CASS4: variants seen among roughly 807,000 people sequenced by gnomAD.
The protein encoded by CASS4 is Cas scaffold protein family member 4, also known as cas scaffolding protein family member 4.
A neutral mutation model predicts 54.2 loss-of-function variants in CASS4; 22 were observed. That is an observed-to-expected ratio of 0.41 (90% CI 0.29 to 0.58). The LOEUF (loss-of-function observed/expected upper bound fraction) is 0.58, where lower values mean the gene tolerates loss of function less well. Among genes scored for constraint, CASS4 ranks in the 20% least tolerant of loss-of-function variants. The pLI, the probability that CASS4 is intolerant of heterozygous loss-of-function variation, is 0.36. For synonymous variants in CASS4, 409 were observed against 391.5 expected (o/e 1.04, Z -0.53); for missense variants, 854 against 986.7 (o/e 0.87, Z 1.80).
In CASS4 at chr20:56,437,982, C is replaced by A. The variant is rs983204977; in HGVS notation, c.459+396C>A. On this transcript the variant is annotated intron_variant, in intron 2 of 5. Transcript: ENST00000679887. The surrounding 1 kb of genome is among the most constrained non-coding windows in gnomAD (Gnocchi z 4.7). ...GGTTCAGAGGCAAGAAGTTACACAT[C>A]GCATTTAAAATGTATATTCCAGGCT... Among the ~76,000 whole-genome samples, 1 of 152,110 alleles carries A rather than the reference C, an allele frequency of 6.6e-6. No individual in the cohort carries two copies. The highest frequency in any genetic ancestry group is 2.4e-5 in the African/African-American group (1 of 41,402).
chr20:56,432,922 T>A (rs962521591), intron 1 of CASS4, among the ~76,000 whole-genome samples: 3 of 152,174 alleles, frequency 2.0e-5, no homozygotes, highest in Non-Finnish European at 4.4e-5. Context: ...TCTTCCCTCT[T>A]ACCCTACTCC....
At chr20:56,456,108 A>G (rs1006042084) in intron 5 of CASS4, among the ~76,000 whole-genome samples, 2 of 151,766 alleles carry the variant, frequency 1.3e-5, no homozygotes, top group Non-Finnish European at 2.9e-5. Flanking sequence ...TTAGACTGAC[A>G]GCACTTCTCA....
In CASS4 at chr20:56,437,382, A is replaced by G. The variant is rs1980236936; in HGVS notation, c.255A>G (p.Arg85=). 6 of 1,613,962 alleles carry G rather than the reference A, an allele frequency of 3.7e-6. No homozygotes were observed. The Admixed American group carries it at 6.7e-5, about 18-fold the overall frequency. The change falls in exon 2 of 6, where the codon AGA becomes AGG. Residue 85 remains arginine, a synonymous_variant. Coordinates refer to ENST00000679887, the MANE Select transcript of CASS4 (RefSeq NM_020356.4). This position sits in a 1 kb window ranked among gnomAD's most constrained non-coding sequence, Gnocchi z 4.7. ...AADRPCPPFL[R]GLEEAPASSE... Reference sequence around the variant, plus strand: ...ACAGGCCGTGCCCCCCATTCCTGAGAGGCCTGGAAGAAGCTCCTGCCAGCT... The same window carrying G: ...ACAGGCCGTGCCCCCCATTCCTGAGGGGCCTGGAAGAAGCTCCTGCCAGCT...
chr20:56,451,573 C>G (rs1327992372), intron 4 of CASS4, among the ~76,000 whole-genome samples: 1 of 152,130 alleles, frequency 6.6e-6, no homozygotes, highest in African/African-American at 2.4e-5. Context: ...AGTCAGTGTT[C>G]TGAGTTCAGG....
At chr20:56,412,051 C>G (rs1024765485), upstream of CASS4, 6 of 246,952 alleles carry the variant, frequency 2.4e-5, 1 homozygote, top group Non-Finnish European at 4.0e-5. The surrounding 1 kb of genome is among the most constrained non-coding windows in gnomAD (Gnocchi z 4.2). Flanking sequence ...GTTCAAAGGA[C>G]AAGAATGCTG....
rs1979766275 is a variant in CASS4 at position 56,428,862 on chromosome 20, TA to T, written c.37-8301del. ...CCAGAGGCAGGTCATTAATCTCTCCTAGTCTTAGGTGCCACAAAGCACTAAA... is the reference window on the plus strand; with the variant it reads ...CCAGAGGCAGGTCATTAATCTCTCCTGTCTTAGGTGCCACAAAGCACTAAA... On this transcript the variant is annotated intron_variant, in intron 1 of 5. Coordinates refer to ENST00000679887, the MANE Select transcript of CASS4 (RefSeq NM_020356.4). Among the ~76,000 whole-genome samples, 3 of 152,166 alleles carry T rather than the reference TA, an allele frequency of 2.0e-5. No individual in the cohort carries two copies. In the South Asian group the frequency reaches 6.2e-4, roughly 32 times the overall value.
intron 1 of CASS4, among the ~76,000 whole-genome samples, chr20:56,417,772 A>G (rs939562666): frequency 2.6e-5 from 4 of 152,216 alleles, no homozygotes; most frequent in African/African-American, 9.6e-5. Flanking sequence ...AACGGAGGTC[A>G]TTCCTGACTC....
chr20:56,439,498 T>G (rs1980356534), intron 2 of CASS4, among the ~76,000 whole-genome samples: 1 of 151,522 alleles, frequency 6.6e-6, no homozygotes, highest in Non-Finnish European at 1.5e-5. Flanking sequence ...TAGTGAGACC[T>G]CATCTTTACT....
At chr20:56,429,744 C>T (rs1268634483) in intron 1 of CASS4, among the ~76,000 whole-genome samples, 1 of 152,148 alleles carries the variant, frequency 6.6e-6, no homozygotes, top group East Asian at 1.9e-4. Flanking sequence ...TCTAACTCCT[C>T]CTTACCCCCA....
At chr20:56,447,105 G>A (rs1980752846) in intron 3 of CASS4, among the ~76,000 whole-genome samples, 1 of 151,854 alleles carries the variant, frequency 6.6e-6, no homozygotes, top group Non-Finnish European at 1.5e-5. Context: ...CTACTAGAGA[G>A]GGTGAGGTGG....
chr20:56,432,691 CTCTT>C (rs778475514), intron 1 of CASS4, among the ~76,000 whole-genome samples: 3 of 152,100 alleles, frequency 2.0e-5, no homozygotes, highest in Admixed American at 1.3e-4. Context: ...TTAATCAATA[CTCTT>C]TATAAGACTC....
At chr20:56,450,547 A>G in intron 3 of CASS4, 52 bp from the exon 4 acceptor site, 1 of 1,514,564 alleles carries the variant, frequency 6.6e-7, no homozygotes. Context: ...CGTGATGTGT[A>G]GCCATTAGGA....
At position 56,416,088 on chromosome 20, in the gene CASS4, C is replaced by T. The variant is rs150776710; in HGVS notation, c.36+3594C>T. Reference sequence around the variant, plus strand: ...TTTTTGAGGTGGAGTTTCACTCTGTCGTCCAGGCTGGAGTGCAGTGGCATG... The same window carrying T: ...TTTTTGAGGTGGAGTTTCACTCTGTTGTCCAGGCTGGAGTGCAGTGGCATG... On this transcript the variant is annotated intron_variant, in intron 1 of 5. Transcript: ENST00000679887. Among the ~76,000 whole-genome samples, 705 of 152,216 alleles carry T rather than the reference C, an allele frequency of 4.6e-3. 4 individuals are homozygous for T. Among genetic ancestry groups the T allele is most frequent in the African/African-American group, 0.016 (675 of 41,528 alleles).
At chr20:56,425,746 A>G (rs1979607625) in intron 1 of CASS4, among the ~76,000 whole-genome samples, 1 of 152,204 alleles carries the variant, frequency 6.6e-6, no homozygotes, top group Non-Finnish European at 1.5e-5. Context: ...ATATTTACAC[A>G]TGGTTTTAGG....
At chr20:56,448,015 G>A (rs1048950630) in intron 3 of CASS4, among the ~76,000 whole-genome samples, 4 of 152,112 alleles carry the variant, frequency 2.6e-5, no homozygotes, top group Non-Finnish European at 4.4e-5. Flanking sequence ...GGTGGCAGGT[G>A]CCTGTAGTCC....
intron 1 of CASS4, among the ~76,000 whole-genome samples, chr20:56,426,935 G>C (rs954339040): frequency 6.6e-6 from 1 of 152,104 alleles, no homozygotes; most frequent in African/African-American, 2.4e-5. Context: ...GACACACACA[G>C]TGTGTGAGAA....
Position 56,459,119 on chromosome 20 carries a change from C to G in CASS4, c.*372C>G. The G allele has an allele frequency of 5.6e-6, 1 of 178,744 alleles. No individual in the cohort carries two copies. The highest frequency in any genetic ancestry group is 1.2e-5 in the Non-Finnish European group (1 of 83,708). The allele number at this position is 178,744 out of a possible 1,614,324, so 11.1% of individuals were successfully genotyped here. Reference sequence around the variant, plus strand: ...AGGCTGGAGTGCAGTGGCGCGATCTCAGCTCACTGCAACCTCCGCCTTCTG... The same window carrying G: ...AGGCTGGAGTGCAGTGGCGCGATCTGAGCTCACTGCAACCTCCGCCTTCTG... On this transcript the variant is annotated 3_prime_UTR_variant, in exon 6 of 6. Transcript: ENST00000679887.
Position 56,452,388 on chromosome 20 carries a change from C to G in CASS4, c.1212C>G (p.Asp404Glu). The change falls in exon 5 of 6, where the codon GAC becomes GAG. Residue 404 changes from aspartate (D) to glutamate (E), a missense_variant. Coordinates refer to ENST00000679887, the MANE Select transcript of CASS4 (RefSeq NM_020356.4). ...ACAGATTATCAGGTTCCAGTTCTGACAGCAGAGCTAGCATCGTTTCCTCGT... is the reference window on the plus strand; with the variant it reads ...ACAGATTATCAGGTTCCAGTTCTGAGAGCAGAGCTAGCATCGTTTCCTCGT... ...EPDRLSGSSS[D>E]SRASIVSSCS... The G allele has an allele frequency of 6.2e-7, 1 of 1,614,026 alleles. No individual in the cohort carries two copies. The highest frequency in any genetic ancestry group is 1.3e-5 in the African/African-American group (1 of 75,044).
In CASS4 at chr20:56,450,655, C is replaced by T; in HGVS notation, c.618C>T (p.Leu206=). 6.2e-7 allele frequency: 1 copy of T among 1,614,122 alleles called. No individual in the cohort carries two copies. Among genetic ancestry groups the T allele is most frequent in the Non-Finnish European group, 8.5e-7 (1 of 1,179,996 alleles). ...DIPASPKKAG[L]HPPDSQASGQ... ...CAGCCAGCCCCAAGAAGGCAGGACT[C>T]CATCCCCCAGACAGCCAAGCAAGTG... The change falls in exon 4 of 6, where the codon CTC becomes CTT. Residue 206 remains leucine, a synonymous_variant. Coordinates refer to ENST00000679887, the MANE Select transcript of CASS4 (RefSeq NM_020356.4).
Sources: allele counts gnomAD v4.1 joint callset (sites outside exome capture counted in the v4.1 genomes callset), GRCh38; gene constraint gnomAD v4.1.1; non-coding constraint Gnocchi (gnomAD v3.1); transcripts MANE v1.5; gene names NCBI Gene and HGNC (gene_info 2026-07-23, HGNC 2026-07-21).